CDH13: variants seen among roughly 807,000 people sequenced by gnomAD.
CDH13 encodes the protein cadherin 13.
A neutral mutation model predicts 63.8 loss-of-function variants in CDH13; 24 were observed. The ratio of observed to expected loss-of-function variants is 0.38; its 90% CI spans 0.27 to 0.53. The LOEUF (loss-of-function observed/expected upper bound fraction) is 0.53. Ranked by LOEUF, CDH13 falls within the 20% of genes least tolerant of loss-of-function variation. CDH13 has a pLI of 0.85. For missense variants in CDH13, 1,049 were observed against 903.1 expected (o/e 1.16, Z -2.07); for synonymous variants, 503 against 355.3 (o/e 1.42, Z -4.67).
intron 3 of CDH13, among the ~76,000 whole-genome samples, chr16:83,045,339 C>G (rs760049769): frequency 5.9e-5 from 9 of 152,062 alleles, no homozygotes; most frequent in Non-Finnish European, 1.2e-4. Flanking sequence ...TGCCAAGTCT[C>G]TCTGTAAGAG....
chr16:83,373,311 A>G (rs1360937814), intron 6 of CDH13, among the ~76,000 whole-genome samples: 1 of 152,196 alleles, frequency 6.6e-6, no homozygotes, highest in Non-Finnish European at 1.5e-5. Flanking sequence ...CTGAGTAGGA[A>G]CAGTGCTCCA....
chr16:82,949,399 C>G (rs1313235422), intron 2 of CDH13, among the ~76,000 whole-genome samples: 2 of 152,146 alleles, frequency 1.3e-5, no homozygotes, highest in Non-Finnish European at 1.5e-5. Flanking sequence ...ACTCTAACGG[C>G]TTCCTCTTAA....
At chr16:83,589,285 C>CG (rs1555579652) in intron 7 of CDH13, among the ~76,000 whole-genome samples, 1 of 128,144 alleles carries the variant, frequency 7.8e-6, no homozygotes, top group African/African-American at 2.9e-5. Context: ...CTTTCCCCCC[C>CG]CCGGACCCCT....
chr16:83,387,613 A>C (rs2091700301), intron 6 of CDH13, among the ~76,000 whole-genome samples: 1 of 152,358 alleles, frequency 6.6e-6, no homozygotes, highest in African/African-American at 2.4e-5. Flanking sequence ...AAGAGCTACA[A>C]AATTATCTTC....
intron 2 of CDH13, among the ~76,000 whole-genome samples, chr16:82,867,107 C>G (rs538440890): frequency 1.3e-5 from 2 of 152,260 alleles, no homozygotes; most frequent in East Asian, 3.9e-4. Context: ...CACAACAGCT[C>G]TTAGGGGAAA....
chr16:83,590,457 G>T (rs1181174224), intron 7 of CDH13, among the ~76,000 whole-genome samples: 1 of 152,164 alleles, frequency 6.6e-6, no homozygotes, highest in African/African-American at 2.4e-5. Context: ...GGGAAGAACG[G>T]CCAGGTTGTG....
intron 2 of CDH13, among the ~76,000 whole-genome samples, chr16:82,923,995 C>A (rs553474129): frequency 6.6e-6 from 1 of 152,300 alleles, no homozygotes; most frequent in South Asian, 2.1e-4. Flanking sequence ...ATGTTTGTAA[C>A]AATTGGCTTC....
intron 4 of CDH13, among the ~76,000 whole-genome samples, chr16:83,130,391 A>T (rs921215529): frequency 2.6e-5 from 4 of 152,234 alleles, no homozygotes; most frequent in Admixed American, 2.0e-4. Flanking sequence ...CTCAGGAAAT[A>T]CTAAGCCCAA....
At chr16:82,936,600 A>C (rs767018351) in intron 2 of CDH13, among the ~76,000 whole-genome samples, 1 of 152,158 alleles carries the variant, frequency 6.6e-6, no homozygotes, top group Non-Finnish European at 1.5e-5. Flanking sequence ...TTTAACTCAG[A>C]AGTTCAGGGA....
chr16:83,018,003 ACT>A (rs1914969719), intron 2 of CDH13, among the ~76,000 whole-genome samples: 1 of 151,590 alleles, frequency 6.6e-6, no homozygotes, highest in Admixed American at 6.6e-5. Flanking sequence ...ATGTGAAAAA[ACT>A]CTCTTCTTTT....
intron 6 of CDH13, among the ~76,000 whole-genome samples, chr16:83,457,794 C>T (rs182716775): frequency 9.4e-4 from 143 of 152,250 alleles, no homozygotes; most frequent in African/African-American, 3.2e-3. Context: ...ATCCCTGAGG[C>T]AAAATCTGAA....
intron 2 of CDH13, among the ~76,000 whole-genome samples, chr16:82,887,415 G>A (rs1478612701): frequency 6.6e-6 from 1 of 152,180 alleles, no homozygotes; most frequent in African/African-American, 2.4e-5. Context: ...GCATGCCCCT[G>A]TGGGTTGGAT....
chr16:83,120,085 A>G (rs565953269), intron 3 of CDH13, among the ~76,000 whole-genome samples: 1 of 151,868 alleles, frequency 6.6e-6, no homozygotes, highest in African/African-American at 2.4e-5. Context: ...GAGAGTCGAC[A>G]TGCACATGGT....
intron 6 of CDH13, among the ~76,000 whole-genome samples, chr16:83,392,771 C>T (rs898157617): frequency 2.0e-4 from 30 of 151,926 alleles, no homozygotes; most frequent in Admixed American, 6.6e-5. Flanking sequence ...TGTAATTACA[C>T]GCTAAATTAT....
intron 1 of CDH13, among the ~76,000 whole-genome samples, chr16:82,731,873 C>T (rs2033420926): frequency 6.6e-6 from 1 of 151,946 alleles, no homozygotes; most frequent in Admixed American, 6.6e-5. Flanking sequence ...TGTGTAGAGC[C>T]AATTATTAAC....
intron 5 of CDH13, among the ~76,000 whole-genome samples, chr16:83,292,641 C>A (rs2089492400): frequency 1.3e-5 from 2 of 152,062 alleles, no homozygotes; most frequent in Non-Finnish European, 2.9e-5. Context: ...TAGGCAATTT[C>A]TTTGGGGTGA....
chr16:82,673,452 C>T (rs1262323246), intron 1 of CDH13, among the ~76,000 whole-genome samples: 2 of 152,116 alleles, frequency 1.3e-5, no homozygotes, highest in African/African-American at 2.4e-5. Context: ...GCACAACAAA[C>T]GTTTATTGAG....
At chr16:83,273,797 C>T (rs541770834) in intron 5 of CDH13, among the ~76,000 whole-genome samples, 12 of 152,178 alleles carry the variant, frequency 7.9e-5, no homozygotes, top group East Asian at 5.8e-4. Context: ...AACTACGCAG[C>T]GAGGTAAGTT....
intron 5 of CDH13, among the ~76,000 whole-genome samples, chr16:83,219,987 C>T (rs116101307): frequency 1.3e-5 from 2 of 152,194 alleles, no homozygotes; most frequent in African/African-American, 4.8e-5. Context: ...GTCATATACC[C>T]TCATTGGAAA....
Sources: allele counts gnomAD v4.1 joint callset (sites outside exome capture counted in the v4.1 genomes callset), GRCh38; gene constraint gnomAD v4.1.1; transcripts MANE v1.5; gene names NCBI Gene and HGNC (gene_info 2026-07-23, HGNC 2026-07-21).